Variants in SEC23IP observed in about 807,000 individuals in gnomAD.
SEC23IP encodes the protein SEC23 interacting protein, also known as SEC23-interacting protein.
SEC23IP carries 70 observed loss-of-function variants against 113.4 expected under a neutral mutation model. That is an observed-to-expected ratio of 0.62 (90% confidence interval 0.51 to 0.75). The LOEUF (loss-of-function observed/expected upper bound fraction) is 0.75, where lower values mean the gene tolerates loss of function less well. Among genes scored for constraint, SEC23IP ranks in the 30% least tolerant of loss-of-function variants. SEC23IP has a pLI of 0.00. For missense variants in SEC23IP, 1,160 were observed against 1,204.9 expected (o/e 0.96, Z 0.55); for synonymous variants, 398 against 421.0 (o/e 0.95, Z 0.67).
intron 12 of SEC23IP, among the ~76,000 whole-genome samples, chr10:119,922,929 T>C (rs12771637): frequency 0.055 from 8,353 of 151,950 alleles, 421 homozygotes; most frequent in South Asian, 0.27. Context: ...CAGTGTTGTT[T>C]CTGTATACAG....
intron 6 of SEC23IP, chr10:119,914,525 C>T (rs1241303134): frequency 5.8e-6 from 3 of 521,720 alleles, no homozygotes; most frequent in Non-Finnish European, 1.0e-5. Context: ...GCTGCCTCCA[C>T]CTCTTGTTCT....
intron 7 of SEC23IP, among the ~76,000 whole-genome samples, chr10:119,915,151 G>A (rs539422751): frequency 5.3e-4 from 80 of 152,304 alleles, no homozygotes; most frequent in Non-Finnish European, 1.0e-3. Context: ...GTTGTTTAAT[G>A]GAAACATGAA....
chr10:119,916,014 ATATAAT>A (rs1272078011), intron 8 of SEC23IP, 125 bp downstream of exon 8: 25 of 713,150 alleles, frequency 3.5e-5, no homozygotes, highest in Non-Finnish European at 4.9e-5. Context: ...TACTTCTGAC[ATATAAT>A]TAAATATTGG....
intron 2 of SEC23IP, 120 bp downstream of exon 2, chr10:119,899,079 G>A (rs1334326977): frequency 1.1e-6 from 1 of 908,682 alleles, no homozygotes; most frequent in East Asian, 2.5e-5. Flanking sequence ...TAGTTTCAGA[G>A]GGTATTCTTT....
At chr10:119,911,978 C>G in intron 5 of SEC23IP, 66 bp from the exon 6 acceptor site, 1 of 1,585,186 alleles carries the variant, frequency 6.3e-7, no homozygotes. Flanking sequence ...ATGTGTTAAA[C>G]TACTTAGCCT....
rs1589858634 is a variant in SEC23IP, at chr10:119,943,955, T to G, written c.*3390T>G. ...TGTCTTTCATTTCTTGTATAAAGAGTGGTTTTTAAAAGACCTTACTATGGA... is the reference window on the plus strand; with the variant it reads ...TGTCTTTCATTTCTTGTATAAAGAGGGGTTTTTAAAAGACCTTACTATGGA... On this transcript the variant is annotated 3_prime_UTR_variant, in exon 19 of 19. Transcript: ENST00000369075. 6.6e-6 allele frequency: 1 copy of G among 152,044 alleles called. No homozygotes were observed. Among genetic ancestry groups the G allele is most frequent in the Admixed American group, 6.5e-5 (1 of 15,268 alleles). The allele number at this position is 152,044 out of a possible 1,614,324, so 9.4% of individuals were successfully genotyped here. A position where few individuals can be genotyped will look rare whatever the true frequency, so the allele number is the denominator to read the frequency against.
chr10:119,933,533 C>T (rs1410035605), intron 17 of SEC23IP, among the ~76,000 whole-genome samples, 153 bp from the exon 18 acceptor site: 1 of 152,204 alleles, frequency 6.6e-6, no homozygotes, highest in Non-Finnish European at 1.5e-5. Context: ...TCTGAGATTA[C>T]GCTGCTTTAT....
At chr10:119,912,308 T>C (rs1367893155) in intron 6 of SEC23IP, 144 bp downstream of exon 6, 77 of 940,268 alleles carry the variant, frequency 8.2e-5, no homozygotes, top group Non-Finnish European at 9.7e-5. Flanking sequence ...AATATTTCTA[T>C]TTTTTGTAGA....
At position 119,942,794 on chromosome 10, in the gene SEC23IP, G is replaced by T. The variant is rs528656342; in HGVS notation, c.*2229G>T. 1.3e-5 allele frequency: 2 copies of T among 152,294 alleles called. No homozygotes were observed. Among genetic ancestry groups the T allele is most frequent in the African/African-American group, 4.8e-5 (2 of 41,564 alleles). 9.4% of individuals were successfully genotyped at this position (152,294 alleles called of 1,614,324 possible). ...CAAGAGGAACCTGCTTTCTAAGTCT[G>T]CTGGACACGCGTGCTTCTTGAATCC... On this transcript the variant is annotated 3_prime_UTR_variant, in exon 19 of 19. Coordinates refer to ENST00000369075, the MANE Select transcript of SEC23IP (RefSeq NM_007190.4).
chr10:119,931,927 T>TTAG (rs1336708709), intron 15 of SEC23IP, among the ~76,000 whole-genome samples: 1 of 136,008 alleles, frequency 7.4e-6, no homozygotes, highest in Admixed American at 7.7e-5. Flanking sequence ...TGGATCAAGT[T>TTAG]TAGTCATTAA....
At chr10:119,923,076 T>C (rs1204311945) in intron 12 of SEC23IP, among the ~76,000 whole-genome samples, 1 of 152,036 alleles carries the variant, frequency 6.6e-6, no homozygotes, top group Non-Finnish European at 1.5e-5. Flanking sequence ...TAATTTATTC[T>C]GTAATGAAAG....
Position 119,940,962 on chromosome 10 carries a change from T to A in SEC23IP, c.*397T>A, listed in dbSNP as rs1855946606. 1 of 152,254 alleles carries A rather than the reference T, an allele frequency of 6.6e-6. No individual in the cohort carries two copies. The highest frequency in any genetic ancestry group is 2.1e-4 in the South Asian group (1 of 4,836). 9.4% of individuals were successfully genotyped at this position (152,254 alleles called of 1,614,324 possible). On this transcript the variant is annotated 3_prime_UTR_variant, in exon 19 of 19. Transcript: ENST00000369075. ...TAGTGGGCTATTAAACTTGGATTTT[T>A]CTTTTTATTAATGCAGTATGTTCTT...
At chr10:119,904,936 C>G (rs577005553) in intron 4 of SEC23IP, among the ~76,000 whole-genome samples, 1 of 152,088 alleles carries the variant, frequency 6.6e-6, no homozygotes, top group Admixed American at 6.6e-5. Flanking sequence ...AGTTTTGAGA[C>G]CAGCCTGACC....
In SEC23IP at chr10:119,926,294, G is replaced by C. The variant is rs914533965; in HGVS notation, c.2313+67G>C. 9.4e-6 allele frequency: 13 copies of C among 1,388,158 alleles called. No individual in the cohort carries two copies. In the African/African-American group the frequency reaches 1.4e-4, roughly 15 times the overall value. The allele number at this position is 1,388,158 out of a possible 1,614,324, so 86.0% of individuals were successfully genotyped here. On this transcript the variant is annotated intron_variant, in intron 13 of 18. Coordinates refer to ENST00000369075, the MANE Select transcript of SEC23IP (RefSeq NM_007190.4). ...AATCATAATCTTTATCATTTGGGTT[G>C]GCTTTAAGTTCTTTAAATATTTATT...
chr10:119,923,318 A>T (rs1183847895), intron 12 of SEC23IP, among the ~76,000 whole-genome samples: 1 of 152,018 alleles, frequency 6.6e-6, no homozygotes, highest in Non-Finnish European at 1.5e-5. Flanking sequence ...CTTACAGATA[A>T]CAAGGTGCTA....
In SEC23IP at chr10:119,942,712, A is replaced by G. The variant is rs1855998013; in HGVS notation, c.*2147A>G. 6.6e-6 allele frequency: 1 copy of G among 152,272 alleles called. No homozygotes were observed. Among genetic ancestry groups the G allele is most frequent in the African/African-American group, 2.4e-5 (1 of 41,476 alleles). The allele number at this position is 152,272 out of a possible 1,614,324, so 9.4% of individuals were successfully genotyped here. A position where few individuals can be genotyped will look rare whatever the true frequency, so the allele number is the denominator to read the frequency against. ...ATCTGAAGTCAAAGGTGAAAGAGTC[A>G]TCACAGTACTGATGAAGACACCCAG... On this transcript the variant is annotated 3_prime_UTR_variant, in exon 19 of 19. Transcript: ENST00000369075.
intron 1 of SEC23IP, among the ~76,000 whole-genome samples, chr10:119,893,998 T>TA (rs1217971713): frequency 2.6e-5 from 4 of 152,244 alleles, no homozygotes; most frequent in Non-Finnish European, 2.9e-5. Context: ...AGACTGTCTG[T>TA]ATTCCAGTCC....
At chr10:119,938,686 C>T (rs879230781) in intron 18 of SEC23IP, among the ~76,000 whole-genome samples, 6 of 152,308 alleles carry the variant, frequency 3.9e-5, no homozygotes, top group East Asian at 3.9e-4. Context: ...GTTCCCCTGA[C>T]GCTCTCTCCC....
chr10:119,897,060 A>G (rs1854305497), intron 1 of SEC23IP, among the ~76,000 whole-genome samples: 1 of 152,252 alleles, frequency 6.6e-6, no homozygotes, highest in Non-Finnish European at 1.5e-5. Flanking sequence ...AGCAGAGGTC[A>G]AGAAGCTTGG....
Sources: gnomAD v4.1 joint callset for allele counts (sites outside exome capture counted in the v4.1 genomes callset) on GRCh38, gnomAD v4.1.1 for gene constraint, MANE v1.5 for transcripts, NCBI Gene and HGNC (gene_info 2026-07-23, HGNC 2026-07-21) for gene names.